The following GNAQ variants were observed in gnomAD, a reference collection of about 807,000 sequenced individuals.
GNAQ encodes the protein guanine nucleotide-binding protein G(q) subunit alpha.
A neutral mutation model predicts 43.9 loss-of-function variants in GNAQ; 8 were observed. The ratio of observed to expected loss-of-function variants is 0.18; its 90% CI spans 0.11 to 0.33. GNAQ has a LOEUF of 0.33. GNAQ is among the 10% of genes least tolerant of loss of function. The probability of loss-of-function intolerance (pLI) is 1.00; values close to 1 mark genes in which losing one functional copy is unlikely to be tolerated. For missense variants in GNAQ, 158 were observed against 450.8 expected (o/e 0.35, Z 5.88); for synonymous variants, 155 against 170.7 (o/e 0.91, Z 0.71).
chr9:78,017,978 T>C (rs985366436), intron 1 of GNAQ, among the ~76,000 whole-genome samples: 1 of 152,180 alleles, frequency 6.6e-6, no homozygotes, highest in Non-Finnish European at 1.5e-5. Context: ...GGAAACTGTA[T>C]ACAATCGTTT....
intron 1 of GNAQ, among the ~76,000 whole-genome samples, chr9:77,948,448 G>A (rs569253850): frequency 1.2e-4 from 19 of 152,202 alleles, no homozygotes; most frequent in South Asian, 1.0e-3. Flanking sequence ...GGCCTGACAC[G>A]GGACTACTCA....
intron 1 of GNAQ, among the ~76,000 whole-genome samples, chr9:77,954,949 T>C (rs1227831831): frequency 6.6e-6 from 1 of 152,104 alleles, no homozygotes; most frequent in East Asian, 1.9e-4. Context: ...TTCATTAAAT[T>C]TGTTCTTGAC....
intron 5 of GNAQ, among the ~76,000 whole-genome samples, chr9:77,752,434 G>A (rs573102738): frequency 6.6e-6 from 1 of 152,320 alleles, no homozygotes; most frequent in African/African-American, 2.4e-5. Flanking sequence ...GGTACTGAAT[G>A]TGTGCTTCAC....
At position 77,718,380 on chromosome 9, in the gene GNAQ, C is replaced by T. The variant is rs1240731954; in HGVS notation, c.*2943G>A. 25 of 232,250 alleles carry T rather than the reference C, an allele frequency of 1.1e-4. No homozygotes were observed. The highest frequency in any genetic ancestry group is 3.6e-4 in the East Asian group (6 of 16,524). 14.4% of individuals were successfully genotyped at this position (232,250 alleles called of 1,614,324 possible). ...AACAAAAAAGAAAATCCTTTAGCTT[C>T]GATTGACTGGTGTGGCTAAAATTAG... On this transcript the variant is annotated 3_prime_UTR_variant, in exon 7 of 7. Transcript: ENST00000286548.
rs184795442 is a variant in GNAQ at position 77,962,434 on chromosome 9, G to A, written c.137-40089C>T. On this transcript the variant is annotated intron_variant, in intron 1 of 6. Transcript: ENST00000286548. The stretch of plus-strand genomic sequence containing the variant: ...AAAATCCTAAAAGCAGCCAGAGAGA[G>A]AAAGACACTTTACATGTAAAGACAC... Among the ~76,000 whole-genome samples, 53 of 151,924 alleles carry A rather than the reference G, an allele frequency of 3.5e-4. 1 individual carries two copies. The highest frequency in any genetic ancestry group is 2.4e-3 in the Admixed American group (36 of 15,260).
intron 3 of GNAQ, among the ~76,000 whole-genome samples, chr9:77,798,272 T>G (rs1826688855): frequency 6.6e-6 from 1 of 152,186 alleles, no homozygotes; most frequent in Admixed American, 6.5e-5. Flanking sequence ...TAACTTTATA[T>G]TTATCTAGTT....
intron 2 of GNAQ, among the ~76,000 whole-genome samples, chr9:77,910,461 A>G (rs1828781323): frequency 6.6e-6 from 1 of 152,222 alleles, no homozygotes; most frequent in Admixed American, 6.5e-5. Context: ...CCAGCTTCAC[A>G]ACTTCCTACT....
intron 1 of GNAQ, among the ~76,000 whole-genome samples, chr9:78,016,316 T>C (rs1440960062): frequency 6.6e-6 from 1 of 152,236 alleles, no homozygotes; most frequent in African/African-American, 2.4e-5. Context: ...TTATCAGTTC[T>C]GTTCTTTTCC....
intron 1 of GNAQ, among the ~76,000 whole-genome samples, chr9:77,960,683 G>A (rs1823096705): frequency 6.6e-6 from 1 of 151,910 alleles, no homozygotes; most frequent in Admixed American, 6.6e-5. Context: ...CAGAAAATAA[G>A]AAAATATAGT....
intron 2 of GNAQ, among the ~76,000 whole-genome samples, chr9:77,839,656 G>A (rs540278915): frequency 6.6e-6 from 1 of 152,358 alleles, no homozygotes; most frequent in Admixed American, 6.5e-5. Context: ...TAACTTGAAC[G>A]AGGCTCCAAG....
At chr9:77,989,898 C>T (rs924016667) in intron 1 of GNAQ, among the ~76,000 whole-genome samples, 1 of 152,146 alleles carries the variant, frequency 6.6e-6, no homozygotes, top group Non-Finnish European at 1.5e-5. Context: ...GATGACCTTT[C>T]CCCTTTTATT....
intron 5 of GNAQ, among the ~76,000 whole-genome samples, chr9:77,760,234 C>CTCCTCTCCCTCTCCA (rs1554713735): frequency 6.8e-6 from 1 of 148,022 alleles, no homozygotes; most frequent in African/African-American, 2.5e-5. Flanking sequence ...CTCCCTCTCC[C>CTCCTCTCCCTCTCCA]CACGGTCTCC....
intron 1 of GNAQ, among the ~76,000 whole-genome samples, chr9:78,009,328 C>G (rs1823746307): frequency 5.3e-5 from 8 of 152,194 alleles, no homozygotes; most frequent in Admixed American, 5.2e-4. Context: ...ACCACCACCA[C>G]CACAGCTGTG....
At position 77,726,206 on chromosome 9, in the gene GNAQ, G is replaced by T. The variant is rs535725881; in HGVS notation, c.889+2308C>A. Among the ~76,000 whole-genome samples the T allele has an allele frequency of 2.0e-5, 3 of 152,206 alleles. No individual in the cohort carries two copies. The South Asian group carries it at 6.2e-4, about 32-fold the overall frequency. On this transcript the variant is annotated intron_variant, in intron 6 of 6. Transcript: ENST00000286548. ...CTCAGGCATTGATGATTTGTTTCCGGGCTAGTGCAAATTAAAAGGAGTGAA... is the reference window on the plus strand; with the variant it reads ...CTCAGGCATTGATGATTTGTTTCCGTGCTAGTGCAAATTAAAAGGAGTGAA...
intron 1 of GNAQ, among the ~76,000 whole-genome samples, chr9:78,023,730 TA>T (rs1035979186): frequency 1.3e-3 from 190 of 150,532 alleles, no homozygotes; most frequent in African/African-American, 4.3e-3. Context: ...TGATGCTGAT[TA>T]AAAAAAAAAT....
intron 2 of GNAQ, among the ~76,000 whole-genome samples, chr9:77,892,605 G>A (rs946656194): frequency 7.2e-5 from 11 of 152,266 alleles, no homozygotes; most frequent in African/African-American, 2.6e-4. Context: ...TTTAACAACA[G>A]TCATAAGCAA....
chr9:77,975,227 A>G (rs1823283821), intron 1 of GNAQ, among the ~76,000 whole-genome samples: 1 of 152,224 alleles, frequency 6.6e-6, no homozygotes, highest in Non-Finnish European at 1.5e-5. Flanking sequence ...TAAGTGCCGT[A>G]AATAAATCTT....
intron 2 of GNAQ, among the ~76,000 whole-genome samples, chr9:77,842,392 A>G (rs1827507087): frequency 6.6e-6 from 1 of 152,198 alleles, no homozygotes; most frequent in South Asian, 2.1e-4. Flanking sequence ...TTGACAAACA[A>G]CATTCCTTGG....
intron 3 of GNAQ, among the ~76,000 whole-genome samples, chr9:77,814,035 T>C (rs1232511470): frequency 6.6e-6 from 1 of 151,584 alleles, no homozygotes; most frequent in African/African-American, 2.4e-5. Context: ...AGGAGAGACA[T>C]AATGAATGGG....
Sources: gnomAD v4.1 joint callset for allele counts (sites outside exome capture counted in the v4.1 genomes callset) on GRCh38, gnomAD v4.1.1 for gene constraint, MANE v1.5 for transcripts, NCBI Gene and HGNC (gene_info 2026-07-23, HGNC 2026-07-21) for gene names.